The following MIER2 variants were observed in gnomAD, a reference collection of about 807,000 sequenced individuals.
MIER2 encodes mesoderm induction early response protein 2.
In MIER2, 30 loss-of-function variants were observed where a neutral mutation model predicts 67.6. That is an observed-to-expected ratio of 0.44 (90% CI 0.33 to 0.60). The LOEUF (loss-of-function observed/expected upper bound fraction) is 0.60. Ranked by LOEUF, MIER2 falls within the 20% of genes least tolerant of loss-of-function variation. The pLI is 0.02. For synonymous variants in MIER2, 372 were observed against 312.6 expected (o/e 1.19, Z -2.00); for missense variants, 702 against 745.1 (o/e 0.94, Z 0.67).
At chr19:317,293 T>C (rs58922652) in intron 7 of MIER2, among the ~76,000 whole-genome samples, 21,298 of 150,900 alleles carry the variant, frequency 0.14, 2,002 homozygotes, top group African/African-American at 0.26. Flanking sequence ...TTTGGGAGGC[T>C]GAGGCGGGCG....
intron 8 of MIER2, 43 bp from the exon 9 acceptor site, chr19:312,315 G>C: frequency 6.3e-7 from 1 of 1,590,270 alleles, no homozygotes; most frequent in Middle Eastern, 1.7e-4. Flanking sequence ...CTCAGCGCAG[G>C]AGCCGACAGC....
intron 1 of MIER2, among the ~76,000 whole-genome samples, chr19:336,658 C>T (rs929684760): frequency 2.0e-5 from 3 of 152,080 alleles, no homozygotes; most frequent in African/African-American, 4.8e-5. Flanking sequence ...GGGGACAGGG[C>T]TTCTTTTGGG....
chr19:316,189 G>A (rs955550238), intron 7 of MIER2, among the ~76,000 whole-genome samples: 1 of 152,248 alleles, frequency 6.6e-6, no homozygotes, highest in Non-Finnish European at 1.5e-5. Flanking sequence ...AGTTCTTCCG[G>A]CTGAAGGAAA....
rs146139766 is a variant in MIER2 at position 307,582 on chromosome 19, G to A, written c.1199-46C>T. 340 of 1,461,248 alleles carry A rather than the reference G, an allele frequency of 2.3e-4. 2 individuals carry two copies. The East Asian group carries it at 5.9e-3, about 26-fold the overall frequency. 90.5% of individuals were successfully genotyped at this position (1,461,248 alleles called of 1,614,324 possible). On this transcript the variant is annotated intron_variant, in intron 12 of 13. Coordinates refer to ENST00000264819, the MANE Select transcript of MIER2 (RefSeq NM_017550.3). The stretch of plus-strand genomic sequence containing the variant: ...GAGGGTGGGGCCTGCCCACAGCCGC[G>A]GATCCTGTGCAGGCTCCTGCCTAAC...
At chr19:331,452 G>C (rs956563961) in intron 3 of MIER2, among the ~76,000 whole-genome samples, 3 of 151,520 alleles carry the variant, frequency 2.0e-5, no homozygotes, top group Admixed American at 6.6e-5. Context: ...AAAATTGCTT[G>C]AGGCCAACAG....
chr19:335,988 C>T (rs528211884), intron 2 of MIER2, 95 bp downstream of exon 2: 5 of 1,223,712 alleles, frequency 4.1e-6, no homozygotes, highest in South Asian at 2.6e-5. Context: ...GCCAGTGTGC[C>T]GGTCCACAGC....
intron 9 of MIER2, 24 bp from the exon 10 acceptor site, chr19:311,963 G>C: frequency 1.9e-6 from 3 of 1,609,414 alleles, no homozygotes; most frequent in Non-Finnish European, 2.6e-6. Context: ...CGGGGAGAAC[G>C]GTCAGTGGTG....
chr19:336,504 C>T (rs1255367464), intron 1 of MIER2, among the ~76,000 whole-genome samples: 1 of 152,214 alleles, frequency 6.6e-6, no homozygotes, highest in African/African-American at 2.4e-5. Context: ...CAACAGCATG[C>T]ACTGGGAGGG....
chr19:337,246 C>T (rs1275944575), intron 1 of MIER2, among the ~76,000 whole-genome samples: 2 of 152,154 alleles, frequency 1.3e-5, no homozygotes, highest in African/African-American at 4.8e-5. Context: ...GTAAGATTTA[C>T]CGCAGGGATG....
At chr19:310,936 C>G (rs116141180) in intron 10 of MIER2, among the ~76,000 whole-genome samples, 1 of 152,206 alleles carries the variant, frequency 6.6e-6, no homozygotes, top group African/African-American at 2.4e-5. Context: ...CACACCTCGC[C>G]CCGCTGTCTC....
At chr19:313,383 C>T in intron 8 of MIER2, 109 bp downstream of exon 8, 1 of 1,512,664 alleles carries the variant, frequency 6.6e-7, no homozygotes, top group Non-Finnish European at 8.8e-7. Flanking sequence ...CACACCTGAC[C>T]CCTGCCCTCC....
At chr19:307,830 G>A (rs575112205) in intron 12 of MIER2, among the ~76,000 whole-genome samples, 21 of 152,092 alleles carry the variant, frequency 1.4e-4, no homozygotes, top group Non-Finnish European at 2.8e-4. Context: ...ACTGCAGAGG[G>A]TAAATACAGG....
intron 7 of MIER2, 41 bp downstream of exon 7, chr19:325,594 G>A: frequency 6.2e-7 from 1 of 1,610,006 alleles, no homozygotes; most frequent in South Asian, 1.1e-5. Flanking sequence ...CACTCCCCTT[G>A]CAGAAGTGGG....
At position 316,394 on chromosome 19, in the gene MIER2, G is replaced by A. The variant is rs1038430110; in HGVS notation, c.656-2751C>T. ...TGCAACCTCCATCTCCGGGGTTCAA[G>A]CGATTCTCCTGCCTCAGCCTCCCGA... On this transcript the variant is annotated intron_variant, in intron 7 of 13. Coordinates refer to ENST00000264819, the MANE Select transcript of MIER2 (RefSeq NM_017550.3). Among the ~76,000 whole-genome samples, 17 of 152,030 alleles carry A rather than the reference G, an allele frequency of 1.1e-4. No homozygotes were observed. The East Asian group carries it at 3.3e-3, about 29-fold the overall frequency.
intron 1 of MIER2, among the ~76,000 whole-genome samples, chr19:339,079 CA>C (rs572597641): frequency 0.013 from 998 of 74,634 alleles, 8 homozygotes; most frequent in African/African-American, 0.028. Flanking sequence ...CACAAGTGAC[CA>C]AAAAAAAAAA....
At chr19:344,630 C>T in intron 1 of MIER2, 144 bp downstream of exon 1, 1 of 437,114 alleles carries the variant, frequency 2.3e-6, no homozygotes, top group Non-Finnish European at 3.1e-6. Flanking sequence ...CCTCCGGCCC[C>T]GGACGGGCCA....
At chr19:334,101 A>G in intron 3 of MIER2, 1 of 275,036 alleles carries the variant, frequency 3.6e-6, no homozygotes. Flanking sequence ...CTGGGATTAC[A>G]AGCGTGAGCC....
At chr19:343,689 G>T in intron 1 of MIER2, 1 of 381,964 alleles carries the variant, frequency 2.6e-6, no homozygotes, top group Non-Finnish European at 3.6e-6. Context: ...TTTCCTTTGG[G>T]CTCTATCCCA....
intron 9 of MIER2, 56 bp downstream of exon 9, chr19:312,135 G>A (rs1971044480): frequency 8.2e-7 from 1 of 1,223,426 alleles, no homozygotes; most frequent in Non-Finnish European, 1.1e-6. Flanking sequence ...GGGGAGAACG[G>A]TCAGCAGTGC....
Sources: allele counts gnomAD v4.1 joint callset (sites outside exome capture counted in the v4.1 genomes callset), GRCh38; gene constraint gnomAD v4.1.1; transcripts MANE v1.5; gene names NCBI Gene and HGNC (gene_info 2026-07-23, HGNC 2026-07-21).